CDK2AP2: variants seen among roughly 807,000 people sequenced by gnomAD.
CDK2AP2 encodes the protein cyclin-dependent kinase 2-associated protein 2.
In CDK2AP2, 1 loss-of-function variant was observed where a neutral mutation model predicts 13.0. That is an observed-to-expected ratio of 0.08 (90% confidence interval 0.03 to 0.37). The LOEUF (loss-of-function observed/expected upper bound fraction) is 0.37, where lower values mean the gene tolerates loss of function less well. Ranked by LOEUF, CDK2AP2 falls within the 10% of genes least tolerant of loss-of-function variation. CDK2AP2 has a pLI of 0.99. For missense variants in CDK2AP2, 129 were observed against 175.8 expected, an observed-to-expected ratio of 0.73 and a Z score of 1.50; for synonymous variants, 76 against 73.0, an observed-to-expected ratio of 1.04 and a Z score of -0.21.
chr11:67,507,213 G>T, intron 3 of CDK2AP2, 152 bp downstream of exon 3: 1 of 956,612 alleles, frequency 1.0e-6, no homozygotes, highest in Non-Finnish European at 1.6e-6. Flanking sequence ...CCTGGAAATG[G>T]ACTCAATTTC....
intron 1 of CDK2AP2, 116 bp from the exon 2 acceptor site, chr11:67,507,805 C>G: frequency 1.3e-6 from 2 of 1,539,966 alleles, no homozygotes; most frequent in Non-Finnish European, 1.7e-6. Context: ...TCATTCCATG[C>G]TGATCAACTT....
chr11:67,507,272 G>T, intron 3 of CDK2AP2, 93 bp downstream of exon 3: 1 of 1,427,452 alleles, frequency 7.0e-7, no homozygotes, highest in Non-Finnish European at 9.8e-7. Flanking sequence ...CATCCTCTAG[G>T]CTTGGCTCAG....
chr11:67,508,089 C>T lies in CDK2AP2; in HGVS notation c.-7G>A. On this transcript the variant is annotated 5_prime_UTR_variant, in exon 1 of 4. Transcript: ENST00000301488. ...CGATGGGTTTGTAGGACATCCCCAA[C>T]TCCTGGGCGCGGCGGACGCCAGCCG... 2.7e-6 allele frequency: 4 copies of T among 1,466,358 alleles called. No homozygotes were observed. The highest frequency in any genetic ancestry group is 2.7e-6 in the Non-Finnish European group (3 of 1,109,562). 90.8% of individuals were successfully genotyped at this position (1,466,358 alleles called of 1,614,324 possible).
intron 3 of CDK2AP2, 140 bp from the exon 4 acceptor site, chr11:67,507,152 T>G: frequency 2.5e-6 from 2 of 811,700 alleles, no homozygotes; most frequent in Non-Finnish European, 3.9e-6. Context: ...AATTAGAGGT[T>G]TGGTTAATCC....
In CDK2AP2 at chr11:67,508,023, CCCAGGGGTGCTGGAG is replaced by C. The variant is rs1157121934; in HGVS notation, c.45_59del (p.Ser16_Gly20del). The C allele has an allele frequency of 7.8e-6, 12 of 1,537,768 alleles. No individual in the cohort carries two copies. The highest frequency in any genetic ancestry group is 7.3e-5 in the South Asian group (6 of 82,620). ...CACCTGTAGGGACCGGGGTGCCCGG[CCCAGGGGTGCTGGAG>C]CCAGGGGTGCTGCTGGGAGCAGGGG... On this transcript the variant is annotated inframe_deletion, in exon 1 of 4. Transcript: ENST00000301488.
chr11:67,506,994 G>A lies in CDK2AP2; in HGVS notation c.332C>T (p.Ala111Val), dbSNP rs866027910. The A allele has an allele frequency of 1.9e-6, 3 of 1,555,464 alleles. No homozygotes were observed. The highest frequency in any genetic ancestry group is 2.4e-5 in the East Asian group (1 of 41,742). Reference protein sequence around the residue: ...RLKRGIIHARALVRECLAETE... With the variant: ...RLKRGIIHARVLVRECLAETE... ...CTCTGCCAGGCACTCTCTGACTAGG[G>A]CCCGGGCATGGATGATACCTGGGGG... Residue 111 changes from alanine (A) to valine (V), a missense_variant, in exon 4 of 4, where the codon GCC (alanine) becomes GTC (valine). Physicochemically the swap from Ala to Val is moderately conservative, Grantham distance 64. This residue lies in a region of CDK2AP2 where 31 missense variants were observed against 76.0 expected (regional missense o/e 0.41). Coordinates refer to ENST00000301488, the MANE Select transcript of CDK2AP2 (RefSeq NM_005851.5).
At position 67,507,645 on chromosome 11, in the gene CDK2AP2, G is replaced by A. The variant is rs759334962; in HGVS notation, c.127C>T (p.Pro43Ser). 1 of 1,612,134 alleles carries A rather than the reference G, an allele frequency of 6.2e-7. No individual in the cohort carries two copies. Among genetic ancestry groups the A allele is most frequent in the Admixed American group, 1.7e-5 (1 of 59,962 alleles). Residue 43 changes from proline to serine, a missense_variant, in exon 2 of 4, where the codon CCT becomes TCT. Around this residue, in one of 2 missense-constraint regions of CDK2AP2, gnomAD observed 98 missense variants for 99.7 expected, o/e 0.98. Transcript: ENST00000301488. ...AAGTCGTTAAACAGCGGTCTGAAAG[G>A]AGCGCCGGCTCCTGGCACTGAGCCC... is the stretch of plus-strand genomic sequence containing the variant. ...PSGSVPGAGA[P>S]FRPLFNDFGP... is the part of the protein sequence containing the mutation.
chr11:67,507,282 G>A, intron 3 of CDK2AP2, 83 bp downstream of exon 3: 1 of 1,521,060 alleles, frequency 6.6e-7, no homozygotes, highest in Non-Finnish European at 9.1e-7. Flanking sequence ...GCTTGGCTCA[G>A]GTGGCCTCCA....
At chr11:67,507,068 G>A in intron 3 of CDK2AP2, 56 bp from the exon 4 acceptor site, 2 of 1,276,390 alleles carry the variant, frequency 1.6e-6, no homozygotes, top group Non-Finnish European at 2.2e-6. Flanking sequence ...CTGCCCTCCA[G>A]AGGAGGACCC....
At position 67,506,892 on chromosome 11, in the gene CDK2AP2, G is replaced by C; in HGVS notation, c.*53C>G. 1 of 1,419,438 alleles carries C rather than the reference G, an allele frequency of 7.0e-7. No individual in the cohort carries two copies. Among genetic ancestry groups the C allele is most frequent in the Non-Finnish European group, 9.7e-7 (1 of 1,027,522 alleles). The allele number at this position is 1,419,438 out of a possible 1,614,324, so 87.9% of individuals were successfully genotyped here. ...TCGGGATGAAGGCCAGGGAGAAGCG[G>C]GTGCTCTGCAGTGGCCGGATAGGTC... On this transcript the variant is annotated 3_prime_UTR_variant, in exon 4 of 4. Transcript: ENST00000301488.
rs998403554 is a variant in CDK2AP2, at chr11:67,506,606, C to G, written c.*339G>C. 7.2e-6 allele frequency: 3 copies of G among 414,116 alleles called. No homozygotes were observed. The highest frequency in any genetic ancestry group is 6.1e-5 in the African/African-American group (3 of 48,788). The allele number at this position is 414,116 out of a possible 1,614,324, so 25.7% of individuals were successfully genotyped here. On this transcript the variant is annotated 3_prime_UTR_variant, in exon 4 of 4. Coordinates refer to ENST00000301488, the MANE Select transcript of CDK2AP2 (RefSeq NM_005851.5). Reference sequence around the variant, plus strand: ...CTCAGGACACAAGGCAGGGAGGTGCCAGGCCTGTGCCCCTGCTGGGGGAGA... The same window carrying G: ...CTCAGGACACAAGGCAGGGAGGTGCGAGGCCTGTGCCCCTGCTGGGGGAGA...
Position 67,507,596 on chromosome 11 carries a change from A to T in CDK2AP2, c.176T>A (p.Val59Glu), listed in dbSNP as rs1866560618. ...NDFGPPSMGY[V>E]QAMKPPGAQG... ...CAAGGCTTTGGCCCCACTCACCTGC[A>T]CGTAGCCCATGGAAGGCGGTCCAAA... The change falls in exon 2 of 4, where the codon GTG (valine) becomes GAG (glutamate). Residue 59 changes from valine (V) to glutamate (E), a missense_variant. Around this residue, in one of 2 missense-constraint regions of CDK2AP2, gnomAD observed 98 missense variants for 99.7 expected, o/e 0.98. Coordinates refer to ENST00000301488, the MANE Select transcript of CDK2AP2 (RefSeq NM_005851.5). The T allele has an allele frequency of 1.9e-6, 3 of 1,613,602 alleles. No individual in the cohort carries two copies. The highest frequency in any genetic ancestry group is 1.3e-5 in the African/African-American group (1 of 75,072).
chr11:67,507,462 G>A lies in CDK2AP2; in HGVS notation c.216C>T (p.Ser72=), dbSNP rs777806095. 1 of 1,613,836 alleles carries A rather than the reference G, an allele frequency of 6.2e-7. No homozygotes were observed. The highest frequency in any genetic ancestry group is 2.2e-5 in the East Asian group (1 of 44,868). Residue 72 remains serine (S), a synonymous_variant, in exon 3 of 4, where the codon AGC becomes AGT. Coordinates refer to ENST00000301488, the MANE Select transcript of CDK2AP2 (RefSeq NM_005851.5). ...TGACTGACAGCAGGTCCGTGTAGGT[G>A]CTCTGGGAGCCCTGGGCGCCGGGTG... ...MKPPGAQGSQ[S]TYTDLLSVIE... is the part of the protein sequence containing the mutation.
chr11:67,507,260 G>T, intron 3 of CDK2AP2, 105 bp downstream of exon 3: 2 of 1,283,606 alleles, frequency 1.6e-6, no homozygotes, highest in Non-Finnish European at 1.1e-6. Context: ...AGTAATACTG[G>T]ACATCCTCTA....
chr11:67,506,763 T>TTG lies in CDK2AP2; in HGVS notation c.*181_*182insCA. ...GGGACCTCGCTGCTAACTCTTGTTG[T>TTG]GGGGGGGTGTCCTTAGTGCTGCCAC... is the stretch of plus-strand genomic sequence containing the variant. On this transcript the variant is annotated 3_prime_UTR_variant, in exon 4 of 4. Coordinates refer to ENST00000301488, the MANE Select transcript of CDK2AP2 (RefSeq NM_005851.5). 3.5e-6 allele frequency: 2 copies of TTG among 576,376 alleles called. No homozygotes were observed. The highest frequency in any genetic ancestry group is 6.0e-6 in the Non-Finnish European group (2 of 333,204). The allele number at this position is 576,376 out of a possible 1,614,324, so 35.7% of individuals were successfully genotyped here.
In CDK2AP2 at chr11:67,508,024, C is replaced by T; in HGVS notation, c.59G>A (p.Gly20Glu). The change falls in exon 1 of 4, where the codon GGG becomes GAG. Residue 20 changes from glycine to glutamate, a missense_variant. By Grantham distance (98) the Gly-to-Glu change is moderately conservative. Coordinates refer to ENST00000301488, the MANE Select transcript of CDK2AP2 (RefSeq NM_005851.5). ...PSSTPGSSTP[G>E]PGTPVPTGSV... ...ACCTGTAGGGACCGGGGTGCCCGGC[C>T]CAGGGGTGCTGGAGCCAGGGGTGCT... 6.5e-7 allele frequency: 1 copy of T among 1,537,946 alleles called. No individual in the cohort carries two copies. The highest frequency in any genetic ancestry group is 8.7e-7 in the Non-Finnish European group (1 of 1,143,288).
Position 67,507,391 on chromosome 11 carries a change from T to C in CDK2AP2, c.287A>G (p.Lys96Arg). Residue 96 changes from lysine to arginine, a missense_variant, in exon 3 of 4, where the codon AAG becomes AGG. Around this residue, in one of 2 missense-constraint regions of CDK2AP2, gnomAD observed 31 missense variants for 76.0 expected, o/e 0.41. Transcript: ENST00000301488. ...KEIRPTYAGS[K>R]SAMERLKRGI... The stretch of plus-strand genomic sequence containing the variant: ...TCTCTTCAGGCGCTCCATGGCGCTC[T>C]TGCTGCCAGCATAGGTAGGCCGGAT... 1.2e-6 allele frequency: 2 copies of C among 1,613,066 alleles called. No individual in the cohort carries two copies. The highest frequency in any genetic ancestry group is 1.7e-6 in the Non-Finnish European group (2 of 1,180,032).
In CDK2AP2 at chr11:67,506,821, CCCACCAAGGGACA is replaced by C; in HGVS notation, c.*111_*123del. 1.3e-6 allele frequency: 1 copy of C among 775,512 alleles called. No individual in the cohort carries two copies. The highest frequency in any genetic ancestry group is 2.1e-6 in the Non-Finnish European group (1 of 472,042). 48.0% of individuals were successfully genotyped at this position (775,512 alleles called of 1,614,324 possible). On this transcript the variant is annotated 3_prime_UTR_variant, in exon 4 of 4. Transcript: ENST00000301488. The stretch of plus-strand genomic sequence containing the variant: ...GCCACTCCTTGGTTCCTGGAGGGGA[CCCACCAAGGGACA>C]CAGGACAGGAAGCCCAGGATGGTTA...
In CDK2AP2 at chr11:67,507,487, G is replaced by A. The variant is rs746236761; in HGVS notation, c.191C>T (p.Pro64Leu). 1 of 1,613,864 alleles carries A rather than the reference G, an allele frequency of 6.2e-7. No individual in the cohort carries two copies. The highest frequency in any genetic ancestry group is 8.5e-7 in the Non-Finnish European group (1 of 1,180,026). ...PSMGYVQAMK[P>L]PGAQGSQSTY... ...GCTCTGGGAGCCCTGGGCGCCGGGT[G>A]GCTTCATCGCCTATGTCAAAAGAGA... The change falls in exon 3 of 4, where the codon CCA becomes CTA. Residue 64 changes from proline to leucine, a missense_variant. Coordinates refer to ENST00000301488, the MANE Select transcript of CDK2AP2 (RefSeq NM_005851.5).
Sources: allele counts gnomAD v4.1 joint callset, GRCh38; gene constraint gnomAD v4.1.1; regional missense constraint gnomAD v4.1.1; transcripts MANE v1.5; gene names NCBI Gene and HGNC (gene_info 2026-07-23, HGNC 2026-07-21).